Variants in PREX2 observed in about 807,000 individuals in gnomAD.
PREX2 encodes the protein phosphatidylinositol 3,4,5-trisphosphate-dependent Rac exchanger 2 protein.
PREX2 carries 107 observed loss-of-function variants against 203.2 expected under a neutral mutation model. The ratio of observed to expected loss-of-function variants is 0.53; its 90% CI spans 0.45 to 0.62. PREX2 has a LOEUF of 0.62. Among genes scored for constraint, PREX2 ranks in the 20% least tolerant of loss-of-function variants. The probability of loss-of-function intolerance (pLI) is 0.00; values close to 1 mark genes in which losing one functional copy is unlikely to be tolerated. For synonymous variants in PREX2, 672 were observed against 663.6 expected (o/e 1.01, Z -0.19); for missense variants, 1,777 against 1,955.9 (o/e 0.91, Z 1.72).
chr8:68,006,125 G>A (rs545041394), intron 1 of PREX2, among the ~76,000 whole-genome samples: 9 of 152,280 alleles, frequency 5.9e-5, no homozygotes, highest in African/African-American at 2.2e-4. Flanking sequence ...TTAGCAGTTT[G>A]CTGGTCCCCT....
chr8:68,105,686 T>TCC, intron 23 of PREX2: 38 of 249,890 alleles, frequency 1.5e-4, no homozygotes, highest in Non-Finnish European at 2.2e-4. Flanking sequence ...ATGGATTATA[T>TCC]ATATATATAT....
intron 35 of PREX2, among the ~76,000 whole-genome samples, chr8:68,181,108 A>C (rs1166680034): frequency 6.6e-6 from 1 of 152,154 alleles, no homozygotes; most frequent in African/African-American, 2.4e-5. Context: ...TCTGTCGGTT[A>C]GTTGCCTAGG....
chr8:68,055,719 A>G, intron 9 of PREX2, 111 bp from the exon 10 acceptor site: 1 of 999,796 alleles, frequency 1.0e-6, no homozygotes, highest in Non-Finnish European at 1.5e-6. Flanking sequence ...CTGTATCCAC[A>G]ACCCCCAGCA....
At chr8:68,025,014 A>G (rs1807675637) in intron 4 of PREX2, among the ~76,000 whole-genome samples, 1 of 151,976 alleles carries the variant, frequency 6.6e-6, no homozygotes, top group African/African-American at 2.4e-5. Flanking sequence ...AAACTTCACA[A>G]CACAGTGTTA....
intron 33 of PREX2, among the ~76,000 whole-genome samples, chr8:68,145,378 A>T (rs930922680): frequency 6.6e-6 from 1 of 152,192 alleles, no homozygotes; most frequent in Non-Finnish European, 1.5e-5. Context: ...ATGCCATTTA[A>T]CCTTGAACTC....
intron 35 of PREX2, among the ~76,000 whole-genome samples, chr8:68,186,093 C>A (rs550136856): frequency 4.9e-5 from 6 of 122,826 alleles, no homozygotes; most frequent in African/African-American, 1.3e-4. Flanking sequence ...TACTGAAGTT[C>A]TTCAGATACC....
In PREX2 at chr8:68,041,370, G is replaced by T. The variant is rs368924400; in HGVS notation, c.839+3078G>T. ...GCCCAGAGCAAGTTAGCAAACATTT[G>T]GTAGCTATGATGATGATATATGGTA... On this transcript the variant is annotated intron_variant, in intron 7 of 39. Transcript: ENST00000288368. 1.3e-4 allele frequency among the ~76,000 whole-genome samples: 20 copies of T among 152,090 alleles called. No homozygotes were observed. In the East Asian group the frequency reaches 3.5e-3, roughly 26 times the overall value.
chr8:67,952,362 C>G lies in PREX2; in HGVS notation c.-33C>G. On this transcript the variant is annotated 5_prime_UTR_variant, in exon 1 of 40. Transcript: ENST00000288368. The stretch of plus-strand genomic sequence containing the variant: ...GCGCGCGGGTCAGCGCTCAGCACGG[C>G]GGGCAGCGCCGCGCTGCGCACCGCC... The G allele has an allele frequency of 6.7e-7, 1 of 1,488,964 alleles. No individual in the cohort carries two copies. The highest frequency in any genetic ancestry group is 1.5e-5 in the African/African-American group (1 of 67,584). The allele number at this position is 1,488,964 out of a possible 1,614,324, so 92.2% of individuals were successfully genotyped here.
At chr8:68,041,427 C>A (rs968175751) in intron 7 of PREX2, among the ~76,000 whole-genome samples, 2 of 151,966 alleles carry the variant, frequency 1.3e-5, no homozygotes, top group Non-Finnish European at 2.9e-5. Context: ...TATTAGAATT[C>A]CCTAGTAAGA....
At chr8:68,105,476 G>C in intron 23 of PREX2, 1 of 1,146,304 alleles carries the variant, frequency 8.7e-7, no homozygotes. Flanking sequence ...CTACAAGTTG[G>C]AAAGCCAGTC....
rs534069436 is a variant in PREX2, at chr8:68,216,624, A to G, written c.4605-992A>G. 3.3e-5 allele frequency among the ~76,000 whole-genome samples: 5 copies of G among 152,238 alleles called. No individual in the cohort carries two copies. In the East Asian group the frequency reaches 9.7e-4, roughly 29 times the overall value. The stretch of plus-strand genomic sequence containing the variant: ...TGTTAACAAATAAACATAGGCTTTC[A>G]GGGGTACTGTAGAGATCAATGTGGA... On this transcript the variant is annotated intron_variant, in intron 37 of 39. Transcript: ENST00000288368.
chr8:68,229,919 A>G (rs1813133050), intron 39 of PREX2, among the ~76,000 whole-genome samples: 1 of 152,244 alleles, frequency 6.6e-6, no homozygotes, highest in Admixed American at 6.5e-5. Context: ...CTTCAGCTGC[A>G]AAAGAACCTT....
chr8:68,110,207 C>A (rs1810509515), intron 25 of PREX2, among the ~76,000 whole-genome samples: 1 of 152,144 alleles, frequency 6.6e-6, no homozygotes, highest in Admixed American at 6.5e-5. Flanking sequence ...TAAATCAGTT[C>A]TAATTCTTAT....
chr8:67,972,626 G>A (rs1805957717), intron 1 of PREX2, among the ~76,000 whole-genome samples: 1 of 152,100 alleles, frequency 6.6e-6, no homozygotes, highest in Non-Finnish European at 1.5e-5. Context: ...GTTCATCAGT[G>A]TTACTTGTTT....
intron 37 of PREX2, among the ~76,000 whole-genome samples, chr8:68,201,709 GA>G (rs1280135212): frequency 6.6e-6 from 1 of 152,000 alleles, no homozygotes; most frequent in Admixed American, 6.6e-5. Context: ...ACACACCCAG[GA>G]ATAATACTTT....
At chr8:68,151,449 T>G (rs546559423) in intron 34 of PREX2, among the ~76,000 whole-genome samples, 27 of 152,194 alleles carry the variant, frequency 1.8e-4, no homozygotes, top group Non-Finnish European at 2.9e-4. Flanking sequence ...AGGCCACATT[T>G]GTAGGCCCCA....
chr8:67,998,920 T>C (rs1806849222), intron 1 of PREX2, among the ~76,000 whole-genome samples: 1 of 152,252 alleles, frequency 6.6e-6, no homozygotes, highest in Admixed American at 6.5e-5. Context: ...TATGAAGGGC[T>C]TGACACTTTC....
At chr8:68,101,511 A>T in intron 23 of PREX2, 1 of 515,062 alleles carries the variant, frequency 1.9e-6, no homozygotes, top group Non-Finnish European at 3.9e-6. Flanking sequence ...GGAAGATTCC[A>T]TGAATGTACC....
intron 35 of PREX2, among the ~76,000 whole-genome samples, chr8:68,169,820 C>T (rs951809500): frequency 4.6e-5 from 7 of 152,092 alleles, no homozygotes; most frequent in South Asian, 2.1e-4. Context: ...GCCCTGATTC[C>T]GTTCCATCAG....
Sources: gnomAD v4.1 joint callset for allele counts (sites outside exome capture counted in the v4.1 genomes callset) on GRCh38, gnomAD v4.1.1 for gene constraint, MANE v1.5 for transcripts, NCBI Gene and HGNC (gene_info 2026-07-23, HGNC 2026-07-21) for gene names.